The following NIBAN1 variants were observed in gnomAD, a reference collection of about 807,000 sequenced individuals.
The protein encoded by NIBAN1 is niban apoptosis regulator 1.
In NIBAN1, 81 loss-of-function variants were observed where a neutral mutation model predicts 75.1. The ratio of observed to expected loss-of-function variants is 1.08; its 90% CI spans 0.90 to 1.30. NIBAN1 has a LOEUF of 1.30. NIBAN1 is among the 50% of genes most tolerant of loss of function. The pLI is 0.00. For missense variants in NIBAN1, 1,133 were observed against 1,128.1 expected, an observed-to-expected ratio of 1.00 and a Z score of -0.06; for synonymous variants, 436 against 424.8, an observed-to-expected ratio of 1.03 and a Z score of -0.32.
At chr1:184,880,495 T>C (rs1418154450) in intron 5 of NIBAN1, among the ~76,000 whole-genome samples, 1 of 152,198 alleles carries the variant, frequency 6.6e-6, no homozygotes, top group Non-Finnish European at 1.5e-5. Flanking sequence ...CCCATCTTCC[T>C]CTCTCCTCTC....
At chr1:184,935,685 T>G (rs1269014195) in intron 1 of NIBAN1, among the ~76,000 whole-genome samples, 1 of 152,078 alleles carries the variant, frequency 6.6e-6, no homozygotes, top group Non-Finnish European at 1.5e-5. Flanking sequence ...TGATCAAGCT[T>G]TGTTCACAGT....
chr1:184,930,997 C>CTTTT lies in NIBAN1; in HGVS notation c.56-31692_56-31689dup, dbSNP rs200932673. On this transcript the variant is annotated intron_variant, in intron 1 of 13. Transcript: ENST00000367511. The stretch of plus-strand genomic sequence containing the variant: ...GTTTCTAAGTGCACTTTTTCTTCTT[C>CTTTT]TTTTTTTTTTTTTTTTTTTTGAGAC... Among the ~76,000 whole-genome samples, 83 of 114,500 alleles carry CTTTT rather than the reference C, an allele frequency of 7.2e-4. 13 individuals carry two copies. Among genetic ancestry groups the CTTTT allele is most frequent in the Non-Finnish European group, 8.3e-4 (50 of 60,438 alleles). The allele number at this position is 114,500 out of a possible 152,430, so 75.1% of individuals were successfully genotyped here. A position where few individuals can be genotyped will look rare whatever the true frequency, so the allele number is the denominator to read the frequency against.
intron 5 of NIBAN1, among the ~76,000 whole-genome samples, chr1:184,843,044 G>T (rs1204083533): frequency 1.3e-5 from 2 of 152,178 alleles, no homozygotes; most frequent in Non-Finnish European, 2.9e-5. Flanking sequence ...TAACACAAAT[G>T]AACCCTCGCA....
chr1:184,846,003 C>G lies in NIBAN1; in HGVS notation c.602-14041G>C, dbSNP rs1184190810. 8.3e-5 allele frequency among the ~76,000 whole-genome samples: 7 copies of G among 84,704 alleles called. 1 individual carries two copies. Among genetic ancestry groups the G allele is most frequent in the East Asian group, 5.1e-4 (2 of 3,940 alleles). 55.6% of individuals were successfully genotyped at this position (84,704 alleles called of 152,430 possible). ...CACGGAATCTCGCTGATTGCTAGCA[C>G]AGCAGTCTGAGATCAAACTGCAAGG... On this transcript the variant is annotated intron_variant, in intron 5 of 13. Coordinates refer to ENST00000367511, the MANE Select transcript of NIBAN1 (RefSeq NM_052966.4).
intron 1 of NIBAN1, among the ~76,000 whole-genome samples, 173 bp from the exon 2 acceptor site, chr1:184,899,482 G>A (rs764977504): frequency 1.3e-5 from 2 of 151,844 alleles, no homozygotes; most frequent in East Asian, 1.9e-4. Flanking sequence ...CTGTCTTCCC[G>A]GAGAACTTTG....
In NIBAN1 at chr1:184,809,413, A is replaced by G. The variant is rs74903729; in HGVS notation, c.1174-1178T>C. Among the ~76,000 whole-genome samples the G allele has an allele frequency of 4.2e-3, 637 of 152,300 alleles. 5 individuals carry two copies. The highest frequency in any genetic ancestry group is 0.015 in the African/African-American group (608 of 41,568). ...AGATTGGCAAAAGTTTAATCAAATG[A>G]TAACACCTATAGCTGATAGCAGTAT... is the stretch of plus-strand genomic sequence containing the variant. On this transcript the variant is annotated intron_variant, in intron 9 of 13. Coordinates refer to ENST00000367511, the MANE Select transcript of NIBAN1 (RefSeq NM_052966.4).
At chr1:184,960,832 G>A (rs941349144) in intron 1 of NIBAN1, among the ~76,000 whole-genome samples, 3 of 152,056 alleles carry the variant, frequency 2.0e-5, no homozygotes, top group East Asian at 3.9e-4. Flanking sequence ...GTTTCAACAT[G>A]TTGACCAGGC....
intron 5 of NIBAN1, among the ~76,000 whole-genome samples, chr1:184,843,474 C>T (rs567107396): frequency 9.2e-5 from 14 of 152,246 alleles, no homozygotes; most frequent in Admixed American, 7.8e-4. Flanking sequence ...AGAATATTTG[C>T]TTCTTTCCAA....
intron 4 of NIBAN1, among the ~76,000 whole-genome samples, chr1:184,885,467 G>A (rs1007770811): frequency 2.6e-5 from 4 of 152,076 alleles, no homozygotes; most frequent in African/African-American, 9.7e-5. Context: ...GAGCCACCGC[G>A]CCCAGCCTGG....
intron 5 of NIBAN1, among the ~76,000 whole-genome samples, chr1:184,843,599 C>T (rs1383438113): frequency 1.3e-5 from 2 of 152,128 alleles, no homozygotes; most frequent in Non-Finnish European, 2.9e-5. Flanking sequence ...CAAAGTCAGG[C>T]CAAGAGAACA....
chr1:184,830,692 T>C lies in NIBAN1; in HGVS notation c.717+1155A>G, dbSNP rs575215386. Among the ~76,000 whole-genome samples, 11 of 151,924 alleles carry C rather than the reference T, an allele frequency of 7.2e-5. No homozygotes were observed. In the South Asian group the frequency reaches 1.7e-3, roughly 23 times the overall value. Reference sequence around the variant, plus strand: ...TCACTAGCTCCCAAAAGAGGTACCCTAGGAGATGTGGAAAAAAAAAATAGT... The same window carrying C: ...TCACTAGCTCCCAAAAGAGGTACCCCAGGAGATGTGGAAAAAAAAAATAGT... On this transcript the variant is annotated intron_variant, in intron 6 of 13. Transcript: ENST00000367511.
Position 184,794,200 on chromosome 1 carries a change from A to C in NIBAN1, c.*777T>G, listed in dbSNP as rs888029079. 1 of 152,310 alleles carries C rather than the reference A, an allele frequency of 6.6e-6. No individual in the cohort carries two copies. Among genetic ancestry groups the C allele is most frequent in the Admixed American group, 6.5e-5 (1 of 15,294 alleles). 9.4% of individuals were successfully genotyped at this position (152,310 alleles called of 1,614,324 possible). A position where few individuals can be genotyped will look rare whatever the true frequency, so the allele number is the denominator to read the frequency against. On this transcript the variant is annotated 3_prime_UTR_variant, in exon 14 of 14. Coordinates refer to ENST00000367511, the MANE Select transcript of NIBAN1 (RefSeq NM_052966.4). ...TGACGGGTTTTAAGCTCGATAACTT[A>C]GCTAAGCCCTTTGCACAGTCTAAGC... is the stretch of plus-strand genomic sequence containing the variant.
chr1:184,969,053 T>C (rs1376336703), intron 1 of NIBAN1, among the ~76,000 whole-genome samples: 1 of 152,230 alleles, frequency 6.6e-6, no homozygotes, highest in Non-Finnish European at 1.5e-5. Context: ...GAACAGCACT[T>C]CTATCTACAT....
intron 9 of NIBAN1, among the ~76,000 whole-genome samples, chr1:184,814,694 C>A (rs1469091310): frequency 6.6e-6 from 1 of 152,170 alleles, no homozygotes; most frequent in Non-Finnish European, 1.5e-5. Context: ...ATTTGACAAA[C>A]CTTTCAAAAC....
chr1:184,886,468 G>A (rs1656527940), intron 4 of NIBAN1, among the ~76,000 whole-genome samples: 2 of 152,186 alleles, frequency 1.3e-5, no homozygotes, highest in African/African-American at 4.8e-5. Context: ...TGAAAAATGT[G>A]CTTTGTTGGC....
chr1:184,817,393 T>C (rs1448613778), intron 9 of NIBAN1, among the ~76,000 whole-genome samples: 1 of 152,254 alleles, frequency 6.6e-6, no homozygotes, highest in Non-Finnish European at 1.5e-5. Context: ...TACCCAGTAA[T>C]GGGATGGCTG....
At chr1:184,964,032 A>G (rs1214402070) in intron 1 of NIBAN1, among the ~76,000 whole-genome samples, 1 of 151,984 alleles carries the variant, frequency 6.6e-6, no homozygotes, top group Non-Finnish European at 1.5e-5. Flanking sequence ...CAGAGATTAG[A>G]CAAATAAACC....
intron 1 of NIBAN1, among the ~76,000 whole-genome samples, chr1:184,919,544 C>T (rs1193976718): frequency 6.6e-6 from 1 of 152,118 alleles, no homozygotes; most frequent in East Asian, 1.9e-4. Context: ...AAGTTATTTA[C>T]TTCCTGGAAA....
chr1:184,822,528 T>C (rs1423742441), intron 8 of NIBAN1, among the ~76,000 whole-genome samples: 1 of 152,140 alleles, frequency 6.6e-6, no homozygotes, highest in Non-Finnish European at 1.5e-5. Flanking sequence ...GCTCAAGGGC[T>C]TCAGTTTGCC....
Sources: gnomAD v4.1 joint callset for allele counts (sites outside exome capture counted in the v4.1 genomes callset) on GRCh38, gnomAD v4.1.1 for gene constraint, MANE v1.5 for transcripts, NCBI Gene and HGNC (gene_info 2026-07-23, HGNC 2026-07-21) for gene names.